The following PBK variants were observed in gnomAD, a reference collection of about 807,000 sequenced individuals.
PBK encodes lymphokine-activated killer T-cell-originated protein kinase.
In PBK, 22 loss-of-function variants were observed where a neutral mutation model predicts 33.5. The ratio of observed to expected loss-of-function variants is 0.66; its 90% CI spans 0.47 to 0.94. The LOEUF is 0.94. Among genes scored for constraint, PBK ranks in the 40% least tolerant of loss-of-function variants. The pLI is 0.00. For synonymous variants in PBK, 129 were observed against 123.8 expected (o/e 1.04, Z -0.28); for missense variants, 376 against 383.4 (o/e 0.98, Z 0.16).
chr8:27,826,083 G>A (rs1563493570), intron 3 of PBK, among the ~76,000 whole-genome samples: 3 of 152,054 alleles, frequency 2.0e-5, no homozygotes, highest in African/African-American at 4.8e-5. Context: ...CAGTGGGGGG[G>A]ACAGATAACA....
At chr8:27,820,151 C>T (rs1270969999) in intron 6 of PBK, among the ~76,000 whole-genome samples, 1 of 152,188 alleles carries the variant, frequency 6.6e-6, no homozygotes, top group Non-Finnish European at 1.5e-5. Context: ...CAAAGACCAG[C>T]CTTCATTAGC....
chr8:27,832,892 G>T, intron 2 of PBK, 164 bp downstream of exon 2: 1 of 524,404 alleles, frequency 1.9e-6, no homozygotes, highest in South Asian at 2.2e-5. Context: ...TGATCAAACC[G>T]TGGCCTATAA....
At chr8:27,822,628 A>G (rs1805952277) in intron 4 of PBK, 140 bp from the exon 5 acceptor site, 1 of 551,738 alleles carries the variant, frequency 1.8e-6, no homozygotes, top group Admixed American at 3.8e-5. Context: ...TTACAAGACT[A>G]ATTCAGTAGA....
intron 7 of PBK, 140 bp downstream of exon 7, chr8:27,810,818 A>G (rs1805662778): frequency 1.5e-6 from 1 of 651,514 alleles, no homozygotes; most frequent in Admixed American, 2.8e-5. Context: ...TTCTCAATCT[A>G]TGTCTCATTT....
At chr8:27,816,591 T>G (rs2128962310) in intron 6 of PBK, among the ~76,000 whole-genome samples, 1 of 151,968 alleles carries the variant, frequency 6.6e-6, no homozygotes, top group South Asian at 2.1e-4. Context: ...TTAGCCAGGA[T>G]GGTCTCAATC....
In PBK at chr8:27,810,286, A is replaced by C; in HGVS notation, c.*19T>G. The C allele has an allele frequency of 6.4e-7, 1 of 1,555,014 alleles. No homozygotes were observed. Among genetic ancestry groups the C allele is most frequent in the Non-Finnish European group, 8.8e-7 (1 of 1,130,132 alleles). Reference sequence around the variant, plus strand: ...ATAAACAGTTATTTACGCAAGCCACACTTCAGCTGAGATGATCACTAGACA... The same window carrying C: ...ATAAACAGTTATTTACGCAAGCCACCCTTCAGCTGAGATGATCACTAGACA... On this transcript the variant is annotated 3_prime_UTR_variant, in exon 8 of 8. Coordinates refer to ENST00000301905, the MANE Select transcript of PBK (RefSeq NM_018492.4).
intron 2 of PBK, among the ~76,000 whole-genome samples, chr8:27,831,516 A>G (rs1806129289): frequency 9.1e-6 from 1 of 110,016 alleles, no homozygotes; most frequent in Non-Finnish European, 1.8e-5. Flanking sequence ...ATTAATATAA[A>G]AAGTATACAG....
chr8:27,836,793 C>T (rs925988981), intron 1 of PBK, among the ~76,000 whole-genome samples: 8 of 152,174 alleles, frequency 5.3e-5, no homozygotes, highest in Non-Finnish European at 1.2e-4. Flanking sequence ...GAAGTCGTAA[C>T]ATTTCATTAT....
At position 27,809,960 on chromosome 8, in the gene PBK, T is replaced by C. The variant is rs1805636292; in HGVS notation, c.*345A>G. 4.2e-6 allele frequency: 1 copy of C among 238,320 alleles called. No individual in the cohort carries two copies. The highest frequency in any genetic ancestry group is 2.3e-5 in the African/African-American group (1 of 42,556). 14.8% of individuals were successfully genotyped at this position (238,320 alleles called of 1,614,324 possible). On this transcript the variant is annotated 3_prime_UTR_variant, in exon 8 of 8. Transcript: ENST00000301905. ...CAAAGTGCTAATGTCAGTAGATCCA[T>C]TAAAATATAGAATATTTAAGAAAGA...
chr8:27,830,513 A>G (rs1460116894), intron 2 of PBK, among the ~76,000 whole-genome samples: 2 of 152,226 alleles, frequency 1.3e-5, no homozygotes, highest in Non-Finnish European at 2.9e-5. Flanking sequence ...TACATCCAAC[A>G]ATAGACAATT....
At chr8:27,833,300 G>A (rs972404591) in intron 1 of PBK, among the ~76,000 whole-genome samples, 167 bp from the exon 2 acceptor site, 2 of 149,450 alleles carry the variant, frequency 1.3e-5, no homozygotes, top group East Asian at 2.0e-4. Flanking sequence ...ACCTGAGGTC[G>A]GGAGTTCGAG....
Position 27,823,160 on chromosome 8 carries a change from A to G in PBK, c.198T>C (p.Ile66=). ...LSHSPWAVKK[I]NPICNDHYRS... Reference sequence around the variant, plus strand: ...GATAATGATCATTACATATAGGATTAATCTTTTTTACAGCCCAAGGAGAAT... The same window carrying G: ...GATAATGATCATTACATATAGGATTGATCTTTTTTACAGCCCAAGGAGAAT... Residue 66 remains isoleucine (I), a synonymous_variant, in exon 4 of 8, where the codon ATT becomes ATC. Transcript: ENST00000301905. 1 of 1,556,182 alleles carries G rather than the reference A, an allele frequency of 6.4e-7. No individual in the cohort carries two copies.
At chr8:27,819,561 AAT>A (rs1343744635) in intron 6 of PBK, among the ~76,000 whole-genome samples, 1 of 152,102 alleles carries the variant, frequency 6.6e-6, no homozygotes, top group Non-Finnish European at 1.5e-5. Context: ...GATGTTAAGG[AAT>A]ATCACCTATT....
intron 6 of PBK, among the ~76,000 whole-genome samples, chr8:27,818,180 T>G (rs1156665272): frequency 6.6e-6 from 1 of 152,298 alleles, no homozygotes. Flanking sequence ...AAGCCTTGGT[T>G]GTTGTAAGTC....
intron 1 of PBK, among the ~76,000 whole-genome samples, 165 bp downstream of exon 1, chr8:27,837,487 G>A (rs771235383): frequency 2.6e-4 from 40 of 152,310 alleles, no homozygotes; most frequent in Non-Finnish European, 4.9e-4. Context: ...GGGTTCGGGG[G>A]TGGAGGTCAG....
At chr8:27,820,147 C>G (rs544797193) in intron 6 of PBK, among the ~76,000 whole-genome samples, 17 of 152,292 alleles carry the variant, frequency 1.1e-4, no homozygotes, top group Admixed American at 7.8e-4. Flanking sequence ...GAGCCAAAGA[C>G]CAGCCTTCAT....
Position 27,822,299 on chromosome 8 carries a change from AAATAT to A in PBK, c.465+15_465+19del. ...TATGAACAAAAACAGAAGTCATTTA[AAATAT>A]AATGACATAGTTACCTTTAACCCTC... On this transcript the variant is annotated intron_variant, in intron 5 of 7. Coordinates refer to ENST00000301905, the MANE Select transcript of PBK (RefSeq NM_018492.4). The A allele has an allele frequency of 6.6e-7, 1 of 1,522,698 alleles. No homozygotes were observed. Among genetic ancestry groups the A allele is most frequent in the Non-Finnish European group, 9.0e-7 (1 of 1,114,518 alleles). 94.3% of individuals were successfully genotyped at this position (1,522,698 alleles called of 1,614,324 possible). A position where few individuals can be genotyped will look rare whatever the true frequency, so the allele number is the denominator to read the frequency against.
At chr8:27,828,252 C>G in intron 2 of PBK, 54 bp from the exon 3 acceptor site, 1 of 823,764 alleles carries the variant, frequency 1.2e-6, no homozygotes. Context: ...AATAAAGCAT[C>G]TTAACATTCT....
intron 7 of PBK, 92 bp from the exon 8 acceptor site, chr8:27,810,593 A>G (rs1805658398): frequency 2.9e-6 from 2 of 680,882 alleles, no homozygotes; most frequent in South Asian, 3.7e-5. Context: ...ACAAGAATTT[A>G]TGGTCCAGTA....
Sources: gnomAD v4.1 joint callset for allele counts (sites outside exome capture counted in the v4.1 genomes callset) on GRCh38, gnomAD v4.1.1 for gene constraint, MANE v1.5 for transcripts, NCBI Gene and HGNC (gene_info 2026-07-23, HGNC 2026-07-21) for gene names.